UBE2N: variants seen among roughly 807,000 people sequenced by gnomAD.
The protein encoded by UBE2N is ubiquitin conjugating enzyme E2 N, also known as ubiquitin-conjugating enzyme E2 N.
For synonymous variants in UBE2N, 70 were observed against 69.2 expected (o/e 1.01, Z -0.06); for missense variants, 60 against 192.1 (o/e 0.31, Z 4.07).
chr12:93,415,573 G>C (rs1054322862), intron 1 of UBE2N, among the ~76,000 whole-genome samples: 2 of 152,166 alleles, frequency 1.3e-5, no homozygotes, highest in African/African-American at 4.8e-5. Flanking sequence ...AACAAAAGAG[G>C]CTGGTCTTCA....
At chr12:93,430,571 A>G (rs1258345582) in intron 1 of UBE2N, among the ~76,000 whole-genome samples, 1 of 151,960 alleles carries the variant, frequency 6.6e-6, no homozygotes, top group Non-Finnish European at 1.5e-5. Context: ...TCATGTTTGT[A>G]GGAAAGCCTC....
Position 93,441,936 on chromosome 12 carries a change from T to A in UBE2N, c.-52A>T. On this transcript the variant is annotated 5_prime_UTR_variant, in exon 1 of 4. Coordinates refer to ENST00000318066, the MANE Select transcript of UBE2N (RefSeq NM_003348.4). ...GGTCTCGTCTCCGGCTCCTCTCGCCTCACGCACGAGTGGAAGTCCCGGGCT... is the reference window on the plus strand; with the variant it reads ...GGTCTCGTCTCCGGCTCCTCTCGCCACACGCACGAGTGGAAGTCCCGGGCT... 1.3e-6 allele frequency: 2 copies of A among 1,540,100 alleles called. No homozygotes were observed.
intron 1 of UBE2N, among the ~76,000 whole-genome samples, chr12:93,437,276 G>C (rs976579996): frequency 1.3e-4 from 20 of 151,856 alleles, no homozygotes; most frequent in African/African-American, 4.6e-4. Flanking sequence ...GGAATTCGAG[G>C]CTGTATGTAT....
intron 1 of UBE2N, among the ~76,000 whole-genome samples, chr12:93,411,683 G>GT (rs148252849): frequency 3.5e-4 from 53 of 151,812 alleles, no homozygotes; most frequent in Middle Eastern, 6.8e-3. Flanking sequence ...TTTTTTGGTG[G>GT]TTTTTTTTGG....
rs1565797997 is a variant in UBE2N at position 93,432,932 on chromosome 12, G to GTTT, written c.30+8922_30+8923insAAA. 2.3e-4 allele frequency among the ~76,000 whole-genome samples: 4 copies of GTTT among 17,534 alleles called. No homozygotes were observed. The East Asian group carries it at 5.1e-3, about 22-fold the overall frequency. 11.5% of individuals were successfully genotyped at this position (17,534 alleles called of 152,430 possible). A position where few individuals can be genotyped will look rare whatever the true frequency, so the allele number is the denominator to read the frequency against. On this transcript the variant is annotated intron_variant, in intron 1 of 3. Transcript: ENST00000318066. ...AGAAATTTTAGAATAGCTTCATTCA[G>GTTT]GTTTTTTTTTTTTTTTGAGACGGAG...
chr12:93,437,247 T>C (rs1592752099), intron 1 of UBE2N, among the ~76,000 whole-genome samples: 1 of 151,340 alleles, frequency 6.6e-6, no homozygotes, highest in African/African-American at 2.4e-5. Flanking sequence ...AGGCTGAAGG[T>C]AGAGATCACC....
intron 1 of UBE2N, among the ~76,000 whole-genome samples, chr12:93,435,620 C>T (rs1256091548): frequency 1.3e-5 from 2 of 152,092 alleles, no homozygotes; most frequent in Non-Finnish European, 2.9e-5. Context: ...AGCAAGACTC[C>T]CGTCTCAAAT....
chr12:93,432,462 G>A (rs1233333961), intron 1 of UBE2N, among the ~76,000 whole-genome samples: 1 of 146,622 alleles, frequency 6.8e-6, no homozygotes, highest in African/African-American at 2.6e-5. Context: ...TAATCTAGTT[G>A]TCTTTAAGAG....
intron 1 of UBE2N, among the ~76,000 whole-genome samples, chr12:93,440,772 CAAGG>C (rs1396035230): frequency 6.6e-6 from 1 of 152,202 alleles, no homozygotes; most frequent in Non-Finnish European, 1.5e-5. Context: ...GTTGTGATGA[CAAGG>C]AATATCTCAC....
In UBE2N at chr12:93,406,809, T is replaced by C. The variant is rs1027332964; in HGVS notation, c.*3230A>G. 4 of 152,196 alleles carry C rather than the reference T, an allele frequency of 2.6e-5. No individual in the cohort carries two copies. The highest frequency in any genetic ancestry group is 9.7e-5 in the African/African-American group (4 of 41,446). The allele number at this position is 152,196 out of a possible 1,614,324, so 9.4% of individuals were successfully genotyped here. A position where few individuals can be genotyped will look rare whatever the true frequency, so the allele number is the denominator to read the frequency against. On this transcript the variant is annotated 3_prime_UTR_variant, in exon 4 of 4. Coordinates refer to ENST00000318066, the MANE Select transcript of UBE2N (RefSeq NM_003348.4). ...AGACTTGAGCATCTGCGAATTTGGA[T>C]ATCCAAAGGAAGTCCTAGAACCAGT...
In UBE2N at chr12:93,426,288, G is replaced by T. The variant is rs1878580031; in HGVS notation, c.31-14989C>A. On this transcript the variant is annotated intron_variant, in intron 1 of 3. Transcript: ENST00000318066. ...TTCATCCACTTCATGTGGACAGCTTGAGTCTCCGAAAGAATGCGACAATAC... is the reference window on the plus strand; with the variant it reads ...TTCATCCACTTCATGTGGACAGCTTTAGTCTCCGAAAGAATGCGACAATAC... Among the ~76,000 whole-genome samples, 4 of 150,842 alleles carry T rather than the reference G, an allele frequency of 2.7e-5. No individual in the cohort carries two copies. The South Asian group carries it at 8.4e-4, about 32-fold the overall frequency.
intron 1 of UBE2N, among the ~76,000 whole-genome samples, chr12:93,431,070 T>C (rs1459894671): frequency 6.6e-6 from 1 of 151,720 alleles, no homozygotes; most frequent in Admixed American, 6.6e-5. Context: ...CTACTAAAAA[T>C]ACAAAAATTA....
At chr12:93,416,857 CAAA>C (rs4020452) in intron 1 of UBE2N, among the ~76,000 whole-genome samples, 2 of 88,564 alleles carry the variant, frequency 2.3e-5, no homozygotes, top group African/African-American at 7.4e-5. Flanking sequence ...CCATCACTAC[CAAA>C]AAAAAAAAAA....
At chr12:93,441,721 G>C (rs1879120543) in intron 1 of UBE2N, 134 bp downstream of exon 1, 1 of 1,247,736 alleles carries the variant, frequency 8.0e-7, no homozygotes, top group East Asian at 3.1e-5. Flanking sequence ...TCGCCGCCGC[G>C]GCCAACCCCT....
chr12:93,432,869 C>G (rs922489499), intron 1 of UBE2N, among the ~76,000 whole-genome samples: 3 of 151,582 alleles, frequency 2.0e-5, no homozygotes, highest in African/African-American at 7.3e-5. Flanking sequence ...CAGTTACTGG[C>G]CAATTCAAAA....
intron 1 of UBE2N, among the ~76,000 whole-genome samples, chr12:93,434,572 G>C (rs561321696): frequency 6.6e-6 from 1 of 152,254 alleles, no homozygotes; most frequent in South Asian, 2.1e-4. Context: ...CAAAACATTA[G>C]ATAGTATATT....
chr12:93,441,824 CGAA>C, intron 1 of UBE2N, 28 bp downstream of exon 1: 1 of 1,580,142 alleles, frequency 6.3e-7, no homozygotes, highest in Non-Finnish European at 8.6e-7. Flanking sequence ...GAGAGCAGAG[CGAA>C]GAGCTGGAGG....
Position 93,408,050 on chromosome 12 carries a change from C to T in UBE2N, c.*1989G>A, listed in dbSNP as rs1381246284. ...TTTTTGTAGTGCAACAGATTTAAAT[C>T]TGGAATTTCATGGTTTGTAAATCAC... On this transcript the variant is annotated 3_prime_UTR_variant, in exon 4 of 4. Transcript: ENST00000318066. The T allele has an allele frequency of 6.6e-6, 1 of 152,200 alleles. No homozygotes were observed. The highest frequency in any genetic ancestry group is 1.5e-5 in the Non-Finnish European group (1 of 68,040). The allele number at this position is 152,200 out of a possible 1,614,324, so 9.4% of individuals were successfully genotyped here.
chr12:93,431,240 A>G (rs919629210), intron 1 of UBE2N, among the ~76,000 whole-genome samples: 1 of 152,188 alleles, frequency 6.6e-6, no homozygotes, highest in East Asian at 1.9e-4. Context: ...AAAAAAGCCA[A>G]CCAACCAACC....
Sources: gnomAD v4.1 joint callset for allele counts (sites outside exome capture counted in the v4.1 genomes callset) on GRCh38, gnomAD v4.1.1 for gene constraint, MANE v1.5 for transcripts, NCBI Gene and HGNC (gene_info 2026-07-23, HGNC 2026-07-21) for gene names.